The following CTSO variants were observed in gnomAD, a reference collection of about 807,000 sequenced individuals.
CTSO encodes the protein cathepsin O.
Under a neutral mutation model 42.4 loss-of-function variants are expected in CTSO, and 40 were observed. The ratio of observed to expected loss-of-function variants is 0.94; its 90% CI spans 0.73 to 1.23. CTSO has a LOEUF of 1.23. Ranked by LOEUF, CTSO falls within the 50% of genes most tolerant of loss-of-function variation. The pLI is 0.00. For synonymous variants in CTSO, 156 were observed against 146.2 expected (o/e 1.07, Z -0.48); for missense variants, 441 against 396.0 (o/e 1.11, Z -0.96).
rs1239069673 is a variant in CTSO at position 155,924,662 on chromosome 4, T to C, written c.*1374A>G. On this transcript the variant is annotated 3_prime_UTR_variant, in exon 8 of 8. Coordinates refer to ENST00000433477, the MANE Select transcript of CTSO (RefSeq NM_001334.3). ...GAAATAATTTTCTTGTATTGATTCA[T>C]TTAATATGGTTGTGCTTATATTCAA... The C allele has an allele frequency of 6.6e-6, 1 of 152,164 alleles. No individual in the cohort carries two copies. Among genetic ancestry groups the C allele is most frequent in the Non-Finnish European group, 1.5e-5 (1 of 68,034 alleles). 9.4% of individuals were successfully genotyped at this position (152,164 alleles called of 1,614,324 possible).
intron 4 of CTSO, among the ~76,000 whole-genome samples, chr4:155,939,051 A>G (rs1456244437): frequency 6.6e-6 from 1 of 152,160 alleles, no homozygotes; most frequent in African/African-American, 2.4e-5. Flanking sequence ...AAAAAAATAT[A>G]TTCTCATCTT....
At chr4:155,926,908 C>T (rs1195490872) in intron 7 of CTSO, among the ~76,000 whole-genome samples, 1 of 152,118 alleles carries the variant, frequency 6.6e-6, no homozygotes, top group Non-Finnish European at 1.5e-5. Flanking sequence ...AGCAGTCACC[C>T]CTCAGCCCAA....
intron 1 of CTSO, among the ~76,000 whole-genome samples, chr4:155,949,488 A>G (rs992983795): frequency 3.3e-5 from 5 of 152,194 alleles, no homozygotes; most frequent in Non-Finnish European, 7.3e-5. Flanking sequence ...TAAGTTTTAT[A>G]TTGAAATTAA....
chr4:155,947,916 T>A (rs959766323), intron 1 of CTSO, among the ~76,000 whole-genome samples: 1 of 152,210 alleles, frequency 6.6e-6, no homozygotes, highest in African/African-American at 2.4e-5. Flanking sequence ...AGGAAAGACG[T>A]AAAGTTTTGA....
At chr4:155,943,460 A>G (rs1016799156) in intron 1 of CTSO, among the ~76,000 whole-genome samples, 196 bp from the exon 2 acceptor site, 16 of 152,112 alleles carry the variant, frequency 1.1e-4, no homozygotes, top group Non-Finnish European at 2.4e-4. Flanking sequence ...AATTGCAGAC[A>G]TTTTTTGAGG....
intron 3 of CTSO, among the ~76,000 whole-genome samples, chr4:155,941,096 T>C (rs750162229): frequency 6.6e-6 from 1 of 152,220 alleles, no homozygotes; most frequent in Non-Finnish European, 1.5e-5. Flanking sequence ...AAACTTAATG[T>C]ACAAAAATAA....
intron 1 of CTSO, among the ~76,000 whole-genome samples, chr4:155,947,531 G>A (rs1743570881): frequency 6.6e-6 from 1 of 152,144 alleles, no homozygotes; most frequent in African/African-American, 2.4e-5. Context: ...AATACTATCA[G>A]TATATCCAAG....
At chr4:155,946,626 A>T (rs946184022) in intron 1 of CTSO, among the ~76,000 whole-genome samples, 1 of 152,096 alleles carries the variant, frequency 6.6e-6, no homozygotes, top group Non-Finnish European at 1.5e-5. Flanking sequence ...TCCATTTGCT[A>T]TTCTGGTGTA....
At chr4:155,927,580 T>C (rs941836915) in intron 7 of CTSO, among the ~76,000 whole-genome samples, 10 of 152,170 alleles carry the variant, frequency 6.6e-5, no homozygotes, top group Admixed American at 2.6e-4. Context: ...CCATCCTGGC[T>C]AACACGGTGA....
At chr4:155,929,726 T>G (rs1743200902) in intron 5 of CTSO, 21 bp from the exon 6 acceptor site, 1 of 1,591,954 alleles carries the variant, frequency 6.3e-7, no homozygotes. Flanking sequence ...AGGAAATATT[T>G]GGTTAGAAAA....
chr4:155,939,805 C>T (rs1423917951), intron 3 of CTSO, among the ~76,000 whole-genome samples: 1 of 152,004 alleles, frequency 6.6e-6, no homozygotes, highest in Non-Finnish European at 1.5e-5. Context: ...TTTTAGAGAC[C>T]GAGGAAATAC....
intron 6 of CTSO, 116 bp downstream of exon 6, chr4:155,929,426 G>A (rs1417179914): frequency 1.0e-6 from 1 of 1,002,544 alleles, no homozygotes. Flanking sequence ...AGTTGTGAAG[G>A]TCTTATGAGG....
At position 155,942,364 on chromosome 4, in the gene CTSO, C is replaced by T; in HGVS notation, c.337G>A (p.Asp113Asn). 7 of 1,598,440 alleles carry T rather than the reference C, an allele frequency of 4.4e-6. No homozygotes were observed. The highest frequency in any genetic ancestry group is 6.0e-6 in the Non-Finnish European group (7 of 1,173,422). Residue 113 changes from aspartate (D) to asparagine (N), a missense_variant, in exon 3 of 8, where the codon GAC becomes AAC. Transcript: ENST00000433477. ...GTCACAACCTGCTTGTCCCTCCAGT[C>T]AAATCTTAACGGCAAAGACACATTG... Reference protein sequence around the residue: ...IPNVSLPLRFDWRDKQVVTQV... With the variant: ...IPNVSLPLRFNWRDKQVVTQV...
intron 1 of CTSO, among the ~76,000 whole-genome samples, chr4:155,949,220 G>A (rs1285080359): frequency 6.6e-6 from 1 of 152,192 alleles, no homozygotes; most frequent in Non-Finnish European, 1.5e-5. Flanking sequence ...CTGAGAAACA[G>A]ATACATGATT....
chr4:155,928,203 T>TC (rs905797970), intron 7 of CTSO, 133 bp downstream of exon 7: 6 of 542,376 alleles, frequency 1.1e-5, no homozygotes, highest in Admixed American at 3.9e-5. Context: ...GCAAAACACT[T>TC]TTTTTTTTAT....
chr4:155,937,377 G>A lies in CTSO; in HGVS notation c.659C>T (p.Ser220Phe). ...AGATCTTTACCTGAAGTCATATGCA[G>A]AATAACCTTTGATTGAAAATCCAGA... The part of the protein sequence containing the change: ...SHSGFSIKGY[S>F]AYDFSDQEDE... Residue 220 changes from serine to phenylalanine, a missense_variant, in exon 5 of 8, where the codon TCT becomes TTT. Physicochemically the swap from Ser to Phe is radical, Grantham distance 155. Transcript: ENST00000433477. 1 of 1,608,110 alleles carries A rather than the reference G, an allele frequency of 6.2e-7. No homozygotes were observed. The highest frequency in any genetic ancestry group is 8.5e-7 in the Non-Finnish European group (1 of 1,174,674).
rs933566988 is a variant in CTSO, at chr4:155,953,792, C to G, written c.56G>C (p.Gly19Ala). Residue 19 changes from glycine to alanine, a missense_variant, in exon 1 of 8, where the codon GGC becomes GCC. Gly to Ala is a moderately conservative substitution (Grantham distance 60). Coordinates refer to ENST00000433477, the MANE Select transcript of CTSO (RefSeq NM_001334.3). ...GGCGCGGGAGTCCGCATCGCCGCCG[C>G]CCCGGCACAGCAGCCACAGCAGCCA... Reference protein sequence around the residue: ...LPWLLWLLCRGGGDADSRAPF... With the variant: ...LPWLLWLLCRAGGDADSRAPF... 2.2e-5 allele frequency: 30 copies of G among 1,346,964 alleles called. No individual in the cohort carries two copies. The African/African-American group carries it at 4.5e-4, about 20-fold the overall frequency. The allele number at this position is 1,346,964 out of a possible 1,614,324, so 83.4% of individuals were successfully genotyped here. A position where few individuals can be genotyped will look rare whatever the true frequency, so the allele number is the denominator to read the frequency against.
Position 155,944,343 on chromosome 4 carries a change from A to T in CTSO, c.136-1079T>A, listed in dbSNP as rs77092827. Among the ~76,000 whole-genome samples, 811 of 152,304 alleles carry T rather than the reference A, an allele frequency of 5.3e-3. 53 individuals carry two copies. The East Asian group carries it at 0.14, about 26-fold the overall frequency. ...AATCAACAAATTAATAAAGTTTTTGAGGTACTTTAAAATAATCTTGATGAA... is the reference window on the plus strand; with the variant it reads ...AATCAACAAATTAATAAAGTTTTTGTGGTACTTTAAAATAATCTTGATGAA... On this transcript the variant is annotated intron_variant, in intron 1 of 7. Coordinates refer to ENST00000433477, the MANE Select transcript of CTSO (RefSeq NM_001334.3).
intron 6 of CTSO, 67 bp downstream of exon 6, chr4:155,929,475 T>C (rs1001460715): frequency 4.2e-5 from 63 of 1,490,016 alleles, no homozygotes; most frequent in Admixed American, 5.7e-5. Flanking sequence ...TGTTCTACAG[T>C]ATGGTGATCA....
Sources: allele counts gnomAD v4.1 joint callset (sites outside exome capture counted in the v4.1 genomes callset), GRCh38; gene constraint gnomAD v4.1.1; transcripts MANE v1.5; gene names NCBI Gene and HGNC (gene_info 2026-07-23, HGNC 2026-07-21).